Variants in HERC4 observed in about 807,000 individuals in gnomAD.
HERC4 encodes the protein probable E3 ubiquitin-protein ligase HERC4.
HERC4 carries 28 observed loss-of-function variants against 124.3 expected under a neutral mutation model. That is an observed-to-expected ratio of 0.23 (90% CI 0.17 to 0.31). HERC4 has a LOEUF of 0.31. Among genes scored for constraint, HERC4 ranks in the 10% least tolerant of loss-of-function variants. The pLI, the probability that HERC4 is intolerant of heterozygous loss-of-function variation, is 1.00. For synonymous variants in HERC4, 407 were observed against 421.5 expected (o/e 0.97, Z 0.42); for missense variants, 713 against 1,229.3 (o/e 0.58, Z 6.28).
At chr10:68,054,816 T>C (rs1049223586) in intron 3 of HERC4, among the ~76,000 whole-genome samples, 1 of 152,158 alleles carries the variant, frequency 6.6e-6, no homozygotes, top group Admixed American at 6.5e-5. Flanking sequence ...GCTACTTCAC[T>C]CAAGGCATAA....
chr10:68,003,162 C>CT (rs61552989), intron 9 of HERC4, among the ~76,000 whole-genome samples: 80 of 146,008 alleles, frequency 5.5e-4, no homozygotes, highest in Middle Eastern at 3.6e-3. Flanking sequence ...TATTTTTATA[C>CT]TTTTTTTTTT....
At chr10:67,933,219 T>C (rs143430333) in intron 22 of HERC4, among the ~76,000 whole-genome samples, 1 of 152,284 alleles carries the variant, frequency 6.6e-6, no homozygotes, top group East Asian at 1.9e-4. Context: ...CTTCTTTTCC[T>C]TGGGTTCCAA....
chr10:67,992,874 G>A (rs995114806), intron 9 of HERC4, 192 bp from the exon 10 acceptor site: 11 of 453,716 alleles, frequency 2.4e-5, no homozygotes, highest in African/African-American at 1.0e-4. Context: ...AACATTAAAC[G>A]ATCCCACAAG....
intron 7 of HERC4, among the ~76,000 whole-genome samples, chr10:68,029,661 C>T (rs10997912): frequency 0.012 from 1,794 of 147,632 alleles, 23 homozygotes; most frequent in African/African-American, 0.04. Context: ...TTTTTAAGGA[C>T]GAATATTTAT....
intron 16 of HERC4, among the ~76,000 whole-genome samples, chr10:67,960,319 T>C (rs548791356): frequency 6.6e-6 from 1 of 152,306 alleles, no homozygotes; most frequent in Admixed American, 6.5e-5. Flanking sequence ...GACTCTGCCC[T>C]GTGTGTTTCT....
intron 3 of HERC4, among the ~76,000 whole-genome samples, chr10:68,056,406 G>C (rs2040552116): frequency 6.6e-6 from 1 of 152,266 alleles, no homozygotes; most frequent in East Asian, 1.9e-4. Context: ...ATTTCACTGT[G>C]GTTTTAGCAA....
intron 15 of HERC4, among the ~76,000 whole-genome samples, chr10:67,968,702 C>A (rs1207297282): frequency 1.3e-5 from 2 of 150,946 alleles, no homozygotes. Context: ...AGTAAGAGTT[C>A]AAAACAAGCA....
intron 16 of HERC4, among the ~76,000 whole-genome samples, chr10:67,959,804 TACC>T (rs1193835363): frequency 2.0e-5 from 3 of 152,230 alleles, no homozygotes; most frequent in Non-Finnish European, 2.9e-5. Flanking sequence ...AATGAAAGCT[TACC>T]ACTTTATTGA....
intron 10 of HERC4, 118 bp from the exon 11 acceptor site, chr10:67,992,441 A>C: frequency 7.4e-7 from 1 of 1,351,340 alleles, no homozygotes; most frequent in Admixed American, 2.4e-5. Context: ...TGAACACCTG[A>C]AACAAAAACC....
chr10:67,978,536 G>A (rs2035736894), intron 15 of HERC4, among the ~76,000 whole-genome samples: 4 of 152,244 alleles, frequency 2.6e-5, no homozygotes, highest in African/African-American at 7.2e-5. Flanking sequence ...CAAGGGCCTG[G>A]GGAAACTAGC....
intron 16 of HERC4, among the ~76,000 whole-genome samples, chr10:67,961,911 C>G (rs1002625252): frequency 1.3e-5 from 2 of 152,154 alleles, no homozygotes. Flanking sequence ...AATGCTCCAA[C>G]TGGCAGTGTA....
chr10:68,064,560 C>CAA (rs538756559), intron 3 of HERC4, among the ~76,000 whole-genome samples: 1,238 of 70,644 alleles, frequency 0.018, 26 homozygotes, highest in African/African-American at 0.052. Context: ...GATTCTCTCT[C>CAA]AAAAAAAAAA....
At chr10:67,964,295 GTCTC>G (rs923239864) in intron 16 of HERC4, among the ~76,000 whole-genome samples, 8 of 152,062 alleles carry the variant, frequency 5.3e-5, no homozygotes, top group East Asian at 1.9e-4. Context: ...GCATTCAACA[GTCTC>G]TCTTTCACTT....
intron 7 of HERC4, among the ~76,000 whole-genome samples, chr10:68,031,922 T>G (rs189807016): frequency 8.5e-5 from 13 of 152,210 alleles, no homozygotes; most frequent in Admixed American, 6.5e-4. Flanking sequence ...CAGCTAACTT[T>G]CGTATTTTTA....
chr10:68,067,669 G>A (rs1435500429), intron 3 of HERC4: 2 of 152,166 alleles, frequency 1.3e-5, no homozygotes, highest in Non-Finnish European at 2.9e-5. Context: ...AGCAAGAAAG[G>A]CAAGCCAAGT....
intron 19 of HERC4, among the ~76,000 whole-genome samples, chr10:67,947,659 T>C (rs2033472306): frequency 6.6e-6 from 1 of 152,196 alleles, no homozygotes; most frequent in Non-Finnish European, 1.5e-5. Context: ...AACATTCTTT[T>C]TAAGTGTACA....
chr10:68,073,662 C>T lies in HERC4; in HGVS notation c.-84G>A, dbSNP rs2041674574. ...TTAAGCTTTCTAATACCTACCTCCA[C>T]ATCAACAGAAAATGGAGTTCTTATC... On this transcript the variant is annotated 5_prime_UTR_variant, in exon 2 of 25. It adds an upstream start codon to the 5' untranslated region. Transcript: ENST00000373700. 6.6e-6 allele frequency: 1 copy of T among 152,012 alleles called. No individual in the cohort carries two copies. The highest frequency in any genetic ancestry group is 6.6e-5 in the Admixed American group (1 of 15,254). The allele number at this position is 152,012 out of a possible 1,614,324, so 9.4% of individuals were successfully genotyped here. A position where few individuals can be genotyped will look rare whatever the true frequency, so the allele number is the denominator to read the frequency against.
At chr10:68,068,596 G>C (rs866028725) in intron 3 of HERC4, 1 of 152,130 alleles carries the variant, frequency 6.6e-6, no homozygotes, top group Admixed American at 6.6e-5. Context: ...GGAGTCCAAG[G>C]CTACAGTGAG....
At chr10:67,939,074 C>T (rs1366515565) in intron 21 of HERC4, among the ~76,000 whole-genome samples, 1 of 152,196 alleles carries the variant, frequency 6.6e-6, no homozygotes, top group Non-Finnish European at 1.5e-5. Flanking sequence ...TTATCTACAT[C>T]ATCCAACAGT....
Sources: gnomAD v4.1 joint callset for allele counts (sites outside exome capture counted in the v4.1 genomes callset) on GRCh38, gnomAD v4.1.1 for gene constraint, MANE v1.5 for transcripts, NCBI Gene and HGNC (gene_info 2026-07-23, HGNC 2026-07-21) for gene names.